Variants in ASTN2 observed in about 807,000 individuals in gnomAD.
ASTN2 encodes the protein astrotactin 2, also known as astrotactin-2.
Under a neutral mutation model 139.8 loss-of-function variants are expected in ASTN2, and 54 were observed. The observed-to-expected ratio is 0.39, with a 90% CI of 0.31 to 0.48. The LOEUF is 0.48. Ranked by LOEUF, ASTN2 falls within the 20% of genes least tolerant of loss-of-function variation. The pLI is 0.95. For missense variants in ASTN2, 1,565 were observed against 1,725.1 expected, an observed-to-expected ratio of 0.91 and a Z score of 1.64; for synonymous variants, 756 against 719.5, an observed-to-expected ratio of 1.05 and a Z score of -0.81.
intron 20 of ASTN2, among the ~76,000 whole-genome samples, chr9:116,480,511 AAGGC>A: frequency 6.6e-6 from 1 of 152,338 alleles, no homozygotes; most frequent in South Asian, 2.1e-4. Context: ...GAGGATGAAC[AAGGC>A]AGGCACAGAC....
At chr9:117,240,864 C>T (rs145957444) in intron 2 of ASTN2, among the ~76,000 whole-genome samples, 1 of 152,286 alleles carries the variant, frequency 6.6e-6, no homozygotes, top group African/African-American at 2.4e-5. Flanking sequence ...CTCTTTTTCA[C>T]ACTCCACACC....
chr9:116,839,136 T>A, intron 11 of ASTN2, among the ~76,000 whole-genome samples: 2 of 152,166 alleles, frequency 1.3e-5, no homozygotes, highest in South Asian at 4.1e-4. Flanking sequence ...TGGTAAATAT[T>A]TTTTATTTAT....
intron 20 of ASTN2, among the ~76,000 whole-genome samples, chr9:116,457,971 G>A (rs1848381211): frequency 6.6e-6 from 1 of 151,856 alleles, no homozygotes; most frequent in South Asian, 2.1e-4. Context: ...CAGACTAATG[G>A]ATAAAGAAAA....
intron 19 of ASTN2, among the ~76,000 whole-genome samples, chr9:116,599,718 C>T (rs1392161921): frequency 6.6e-6 from 1 of 152,102 alleles, no homozygotes; most frequent in Admixed American, 6.5e-5. Context: ...AAAACAAGGA[C>T]AGATTTGAGA....
At chr9:117,341,252 A>G (rs1829053323) in intron 1 of ASTN2, among the ~76,000 whole-genome samples, 1 of 152,160 alleles carries the variant, frequency 6.6e-6, no homozygotes, top group Non-Finnish European at 1.5e-5. Context: ...TTCATGAATC[A>G]AATCGTTTTT....
intron 5 of ASTN2, among the ~76,000 whole-genome samples, chr9:117,074,013 C>T (rs1034142047): frequency 4.0e-5 from 6 of 151,782 alleles, no homozygotes; most frequent in African/African-American, 1.2e-4. Context: ...CAAGCCCAGG[C>T]GATGGCCATT....
chr9:116,754,746 A>G (rs555405884), intron 13 of ASTN2, among the ~76,000 whole-genome samples: 128 of 152,098 alleles, frequency 8.4e-4, no homozygotes, highest in Middle Eastern at 3.4e-3. Flanking sequence ...TGTTTAGTTC[A>G]ATTACCTAAA....
At chr9:116,520,457 A>G (rs1850820191) in intron 19 of ASTN2, among the ~76,000 whole-genome samples, 1 of 152,098 alleles carries the variant, frequency 6.6e-6, no homozygotes, top group Non-Finnish European at 1.5e-5. Flanking sequence ...GCATTCCTTT[A>G]TAATTAAAAC....
intron 19 of ASTN2, among the ~76,000 whole-genome samples, chr9:116,608,000 A>C (rs1564149746): frequency 6.6e-6 from 1 of 152,156 alleles, no homozygotes; most frequent in African/African-American, 2.4e-5. Flanking sequence ...GCTTGTCAGC[A>C]ACTGGAAATT....
chr9:117,149,767 T>C (rs1830286531), intron 3 of ASTN2, among the ~76,000 whole-genome samples: 1 of 152,194 alleles, frequency 6.6e-6, no homozygotes, highest in Non-Finnish European at 1.5e-5. Flanking sequence ...ATGAGAATGC[T>C]TCATGACTAG....
intron 13 of ASTN2, among the ~76,000 whole-genome samples, chr9:116,742,454 T>C (rs1829120117): frequency 6.6e-6 from 1 of 152,190 alleles, no homozygotes; most frequent in South Asian, 2.1e-4. Context: ...GTGACCCTCC[T>C]CCTGGCCTTT....
intron 12 of ASTN2, among the ~76,000 whole-genome samples, chr9:116,813,364 T>C (rs1464612151): frequency 6.6e-6 from 1 of 152,168 alleles, no homozygotes. Flanking sequence ...ATAGCAACAT[T>C]GTGAGATGGG....
At chr9:117,371,879 G>A (rs1830000361) in intron 1 of ASTN2, among the ~76,000 whole-genome samples, 1 of 152,074 alleles carries the variant, frequency 6.6e-6, no homozygotes, top group African/African-American at 2.4e-5. Context: ...CTTTCACACA[G>A]GTTCATTCAG....
chr9:117,414,632 C>T lies in ASTN2; in HGVS notation c.307G>A (p.Ala103Thr). The part of the protein sequence containing the change: ...GTGAGAAAAA[A>T]SPGSPGSAGT... ...GCAGAGCCAGGAGAGCCCGGGGACG[C>T]GGCGGCGGCGGCGGCTCCGGCCCCG... Residue 103 changes from alanine to threonine, a missense_variant, in exon 1 of 23, where the codon GCG becomes ACG. Ala to Thr is a moderately conservative substitution (Grantham distance 58). This residue lies in a region of ASTN2 where 596 missense variants were observed against 576.8 expected (regional missense o/e 1.03). Coordinates refer to ENST00000313400, the MANE Select transcript of ASTN2 (RefSeq NM_001365068.1). This position sits in a 1 kb window ranked among gnomAD's most constrained non-coding sequence, Gnocchi z 4.2. 7.5e-7 allele frequency: 1 copy of T among 1,327,960 alleles called. No homozygotes were observed. The allele number at this position is 1,327,960 out of a possible 1,614,324, so 82.3% of individuals were successfully genotyped here. A position where few individuals can be genotyped will look rare whatever the true frequency, so the allele number is the denominator to read the frequency against.
intron 20 of ASTN2, among the ~76,000 whole-genome samples, chr9:116,481,451 G>C (rs562395478): frequency 6.6e-6 from 1 of 152,212 alleles, no homozygotes; most frequent in African/African-American, 2.4e-5. Flanking sequence ...CCACACAGTG[G>C]GTAAAAACCC....
intron 19 of ASTN2, among the ~76,000 whole-genome samples, chr9:116,560,697 T>A (rs1046510657): frequency 5.3e-5 from 8 of 152,206 alleles, no homozygotes; most frequent in Non-Finnish European, 1.0e-4. Flanking sequence ...CTATGCCATA[T>A]CCTCTTGACA....
intron 10 of ASTN2, among the ~76,000 whole-genome samples, chr9:116,943,791 G>T (rs774481517): frequency 1.3e-5 from 2 of 152,142 alleles, no homozygotes; most frequent in Admixed American, 6.5e-5. Context: ...CCATTGCAAC[G>T]CATTCTGTTT....
chr9:117,297,138 G>A (rs1834755920), intron 1 of ASTN2, among the ~76,000 whole-genome samples: 1 of 152,202 alleles, frequency 6.6e-6, no homozygotes, highest in Non-Finnish European at 1.5e-5. Context: ...CTCCCAAGTG[G>A]CTAACTAACC....
intron 22 of ASTN2, among the ~76,000 whole-genome samples, chr9:116,435,903 C>T (rs948763662): frequency 6.6e-6 from 1 of 151,946 alleles, no homozygotes; most frequent in Non-Finnish European, 1.5e-5. Flanking sequence ...TCAGACCTAA[C>T]CCAGACTACT....
Sources: gnomAD v4.1 joint callset for allele counts (sites outside exome capture counted in the v4.1 genomes callset) on GRCh38, gnomAD v4.1.1 for gene constraint, gnomAD v4.1.1 regional missense constraint, Gnocchi (gnomAD v3.1) non-coding constraint, MANE v1.5 for transcripts, NCBI Gene and HGNC (gene_info 2026-07-23, HGNC 2026-07-21) for gene names.